TSPEAR: variants seen among roughly 807,000 people sequenced by gnomAD.
The protein encoded by TSPEAR is thrombospondin-type laminin G domain and EAR repeat-containing protein.
A neutral mutation model predicts 71.6 loss-of-function variants in TSPEAR; 69 were observed. That is an observed-to-expected ratio of 0.96 (90% confidence interval 0.79 to 1.18). The LOEUF (loss-of-function observed/expected upper bound fraction) is 1.18, where lower values mean the gene tolerates loss of function less well. Among genes scored for constraint, TSPEAR ranks in the 50% most tolerant of loss-of-function variants. The pLI is 0.00. For missense variants in TSPEAR, 971 were observed against 894.9 expected (o/e 1.09, Z -1.09); for synonymous variants, 402 against 387.2 (o/e 1.04, Z -0.45).
chr21:44,640,968 G>T (rs1177624500), intron 1 of TSPEAR, among the ~76,000 whole-genome samples: 1 of 152,166 alleles, frequency 6.6e-6, no homozygotes, highest in East Asian at 1.9e-4. Context: ...AATCTGGAGA[G>T]GAAGAGGCCA....
At chr21:44,621,076 T>C (rs936392714) in intron 1 of TSPEAR, among the ~76,000 whole-genome samples, 15 of 152,368 alleles carry the variant, frequency 9.8e-5, no homozygotes, top group African/African-American at 3.4e-4. Flanking sequence ...TGGCCTAAGG[T>C]AAAATCTAAT....
chr21:44,651,100 GC>G (rs1274015334), intron 1 of TSPEAR, among the ~76,000 whole-genome samples: 4 of 152,094 alleles, frequency 2.6e-5, no homozygotes, highest in Admixed American at 6.5e-5. Context: ...CTAGAGTAGA[GC>G]CTCTTCCAGG....
rs587672333 is a variant in TSPEAR at position 44,517,344 on chromosome 21, T to A, written c.1566+4539A>T. The stretch of plus-strand genomic sequence containing the variant: ...GCCTAGTCCAGGGCTCCCACAGGTC[T>A]CAGACTGACAGGAGACTGGGTCATA... On this transcript the variant is annotated intron_variant, in intron 9 of 11. Transcript: ENST00000323084. The A allele has an allele frequency of 7.4e-5, 12 of 163,162 alleles. No homozygotes were observed. In the East Asian group the frequency reaches 2.0e-3, roughly 27 times the overall value. The allele number at this position is 163,162 out of a possible 1,614,324, so 10.1% of individuals were successfully genotyped here.
intron 1 of TSPEAR, among the ~76,000 whole-genome samples, chr21:44,708,817 T>C (rs954158243): frequency 3.3e-5 from 5 of 152,246 alleles, no homozygotes; most frequent in Admixed American, 6.5e-5. Context: ...AGCTGCAGTT[T>C]GGCCAAGTTG....
intron 1 of TSPEAR, chr21:44,638,271 G>T: frequency 6.7e-7 from 1 of 1,484,734 alleles, no homozygotes; most frequent in Non-Finnish European, 9.0e-7. Context: ...CCCTCAGAAG[G>T]TGGGGCAGGC....
chr21:44,646,544 C>T (rs782557322), intron 1 of TSPEAR: 178 of 1,612,504 alleles, frequency 1.1e-4, no homozygotes, highest in Middle Eastern at 2.0e-4. Context: ...TGCTGTGAGC[C>T]CCCCTGCAGC....
At chr21:44,504,377 G>A (rs1282620177) in intron 11 of TSPEAR, among the ~76,000 whole-genome samples, 2 of 143,468 alleles carry the variant, frequency 1.4e-5, no homozygotes, top group Non-Finnish European at 3.0e-5. Flanking sequence ...CAAGTCTCTT[G>A]GAGGAAGCTG....
At chr21:44,551,082 C>T (rs1569180976) in intron 2 of TSPEAR, 2 of 1,573,672 alleles carry the variant, frequency 1.3e-6, no homozygotes, top group Non-Finnish European at 1.7e-6. Context: ...AGCTGGCTGG[C>T]AGCTAGACTG....
intron 2 of TSPEAR, chr21:44,551,283 T>C (rs1555918830): frequency 1.2e-6 from 2 of 1,613,554 alleles, no homozygotes; most frequent in South Asian, 2.2e-5. Context: ...ACAGGCCGCC[T>C]GGCAGCAGGG....
At chr21:44,690,707 G>T in intron 1 of TSPEAR, 1 of 523,090 alleles carries the variant, frequency 1.9e-6, no homozygotes, top group Non-Finnish European at 2.5e-6. Flanking sequence ...AAGCATATGT[G>T]TTTTTCTAAG....
chr21:44,701,249 C>T (rs1448991583), intron 1 of TSPEAR, among the ~76,000 whole-genome samples: 1 of 152,128 alleles, frequency 6.6e-6, no homozygotes, highest in Non-Finnish European at 1.5e-5. Flanking sequence ...CGGACTGTTT[C>T]TCTCTGCGGG....
chr21:44,680,704 G>A (rs974741331), intron 1 of TSPEAR, among the ~76,000 whole-genome samples: 10 of 152,048 alleles, frequency 6.6e-5, no homozygotes, highest in African/African-American at 2.2e-4. Context: ...AATCTTATTC[G>A]GCCATAAAAA....
chr21:44,662,827 G>A (rs900091905), intron 1 of TSPEAR, among the ~76,000 whole-genome samples: 11 of 152,108 alleles, frequency 7.2e-5, no homozygotes, highest in Admixed American at 7.2e-4. Context: ...GAAACACCCT[G>A]CAGAACTGTA....
chr21:44,591,386 G>A (rs587685568), intron 1 of TSPEAR: 2 of 1,601,350 alleles, frequency 1.2e-6, no homozygotes, highest in Non-Finnish European at 8.5e-7. Flanking sequence ...ATCCAGGGCT[G>A]TCAGCAGCTG....
Position 44,616,526 on chromosome 21 carries a change from C to T in TSPEAR, c.83-48521G>A, listed in dbSNP as rs587742654. ...TCACCATGCTGCCTGGCCCTGCCTC[C>T]TCCTCCTCCCTGCCAGGTGCCTTCC... On this transcript the variant is annotated intron_variant, in intron 1 of 11. Transcript: ENST00000323084. 2.0e-4 allele frequency among the ~76,000 whole-genome samples: 31 copies of T among 152,338 alleles called. No homozygotes were observed. The South Asian group carries it at 5.6e-3, about 27-fold the overall frequency.
Position 44,509,251 on chromosome 21 carries a change from G to C in TSPEAR, c.1702C>G (p.Leu568Val), listed in dbSNP as rs141583927. Residue 568 changes from leucine (L) to valine (V), a missense_variant, in exon 10 of 12, where the codon CTG becomes GTG. Transcript: ENST00000323084. ...SYVINSVIYE[L>V]NVTAQAFVKF... ...ACAAAGGCCTGCGCGGTCACGTTCA[G>C]CTCGTAGATGACGGAGTTGATGACA... 3 of 1,614,106 alleles carry C rather than the reference G, an allele frequency of 1.9e-6. No homozygotes were observed. In the East Asian group the frequency reaches 6.7e-5, roughly 36 times the overall value.
intron 1 of TSPEAR, among the ~76,000 whole-genome samples, chr21:44,613,774 G>A (rs587765458): frequency 6.6e-6 from 1 of 151,916 alleles, no homozygotes; most frequent in South Asian, 2.1e-4. Context: ...GGGATGGGGG[G>A]ATGCTTGCTG....
At chr21:44,677,709 G>A in intron 1 of TSPEAR, 1 of 1,427,444 alleles carries the variant, frequency 7.0e-7, no homozygotes, top group Admixed American at 1.7e-5. Context: ...TTGGAGTTGT[G>A]AGGCAGGCTG....
chr21:44,655,487 C>T (rs1351923030), intron 1 of TSPEAR, among the ~76,000 whole-genome samples: 9 of 152,200 alleles, frequency 5.9e-5, no homozygotes, highest in Non-Finnish European at 1.2e-4. Context: ...CCACTTCCCA[C>T]GAGTAGCACT....
Sources: gnomAD v4.1 joint callset for allele counts (sites outside exome capture counted in the v4.1 genomes callset) on GRCh38, gnomAD v4.1.1 for gene constraint, MANE v1.5 for transcripts, NCBI Gene and HGNC (gene_info 2026-07-23, HGNC 2026-07-21) for gene names.